STPG2: variants seen among roughly 807,000 people sequenced by gnomAD.
STPG2 encodes sperm tail PG-rich repeat containing 2.
Under a neutral mutation model 54.2 loss-of-function variants are expected in STPG2, and 56 were observed. That is an observed-to-expected ratio of 1.03 (90% confidence interval 0.83 to 1.29). The LOEUF (loss-of-function observed/expected upper bound fraction) is 1.29, where lower values mean the gene tolerates loss of function less well. Among genes scored for constraint, STPG2 ranks in the 50% most tolerant of loss-of-function variants. STPG2 has a pLI of 0.00. For missense variants in STPG2, 596 were observed against 544.9 expected, an observed-to-expected ratio of 1.09 and a Z score of -0.93; for synonymous variants, 200 against 181.8, an observed-to-expected ratio of 1.10 and a Z score of -0.81.
At chr4:97,725,581 A>C (rs1724597123) in intron 9 of STPG2, among the ~76,000 whole-genome samples, 2 of 152,068 alleles carry the variant, frequency 1.3e-5, no homozygotes. Context: ...AATTATAAGA[A>C]AAATAGCTTA....
intron 10 of STPG2, among the ~76,000 whole-genome samples, chr4:97,687,765 T>C (rs1031350325): frequency 6.6e-6 from 1 of 152,100 alleles, no homozygotes; most frequent in Non-Finnish European, 1.5e-5. Context: ...AAAAGGGAAC[T>C]TTAGAATATA....
At chr4:97,622,330 T>A (rs940794648) in intron 10 of STPG2, among the ~76,000 whole-genome samples, 3 of 152,050 alleles carry the variant, frequency 2.0e-5, no homozygotes, top group African/African-American at 7.2e-5. Context: ...AGAGAGGAAG[T>A]CAAACCACCC....
intron 10 of STPG2, among the ~76,000 whole-genome samples, chr4:97,709,505 T>TGA (rs33920158): frequency 8.8e-4 from 23 of 26,254 alleles, no homozygotes; most frequent in African/African-American, 5.3e-3. Flanking sequence ...TAAAATGAAT[T>TGA]GTTATTGAAC....
chr4:97,682,456 A>G (rs1186057079), intron 10 of STPG2, among the ~76,000 whole-genome samples: 1 of 151,820 alleles, frequency 6.6e-6, no homozygotes, highest in East Asian at 1.9e-4. Flanking sequence ...ATATTACTAA[A>G]CTAATTCTCC....
At chr4:98,042,620 G>A (rs1055166920) in intron 5 of STPG2, among the ~76,000 whole-genome samples, 11 of 151,976 alleles carry the variant, frequency 7.2e-5, no homozygotes, top group Middle Eastern at 3.4e-3. Context: ...AGTTTCAAGA[G>A]CACCTATTGT....
intron 9 of STPG2, among the ~76,000 whole-genome samples, chr4:97,818,870 T>C (rs919363807): frequency 8.0e-5 from 12 of 150,482 alleles, no homozygotes; most frequent in Admixed American, 6.7e-4. Context: ...TAATATATGC[T>C]TCTTACCAAA....
chr4:97,787,798 T>G (rs1475049639), intron 9 of STPG2, among the ~76,000 whole-genome samples: 2 of 152,018 alleles, frequency 1.3e-5, no homozygotes, highest in African/African-American at 4.8e-5. Flanking sequence ...TCAGATTTTC[T>G]AATTTTTTTG....
chr4:97,927,833 A>G (rs1238859232), intron 8 of STPG2, among the ~76,000 whole-genome samples: 1 of 152,110 alleles, frequency 6.6e-6, no homozygotes, highest in African/African-American at 2.4e-5. Flanking sequence ...ATGCATTTGG[A>G]ATGGTGCCTG....
chr4:98,115,816 A>C (rs1379032079), intron 3 of STPG2, among the ~76,000 whole-genome samples: 1 of 152,014 alleles, frequency 6.6e-6, no homozygotes, highest in Non-Finnish European at 1.5e-5. Flanking sequence ...AGAAGAAAAT[A>C]AAGCCTTCAG....
chr4:97,735,573 TTA>T (rs1158982191), intron 9 of STPG2, among the ~76,000 whole-genome samples: 2 of 148,688 alleles, frequency 1.3e-5, no homozygotes, highest in African/African-American at 2.4e-5. Context: ...ATATTTACAT[TTA>T]TATATATGTA....
At chr4:97,599,589 C>T (rs1247462288) in intron 10 of STPG2, among the ~76,000 whole-genome samples, 3 of 151,922 alleles carry the variant, frequency 2.0e-5, no homozygotes, top group East Asian at 1.9e-4. Context: ...TTTGGGAGGC[C>T]GAGGCGGGCA....
chr4:97,914,338 T>G (rs1035617670), intron 8 of STPG2, among the ~76,000 whole-genome samples: 2 of 152,168 alleles, frequency 1.3e-5, no homozygotes, highest in Admixed American at 1.3e-4. Context: ...AGAATCAGCA[T>G]ACTGAACTAA....
At chr4:97,543,930 C>G (rs1316939483) in intron 4 of STPG2, among the ~76,000 whole-genome samples, 2 of 152,034 alleles carry the variant, frequency 1.3e-5, no homozygotes, top group African/African-American at 2.4e-5. Context: ...CACATGTAAT[C>G]TACTTACCAC....
At chr4:97,853,265 C>A (rs1729227509) in intron 8 of STPG2, among the ~76,000 whole-genome samples, 1 of 151,910 alleles carries the variant, frequency 6.6e-6, no homozygotes, top group African/African-American at 2.4e-5. Context: ...CGCGCCCCGC[C>A]AAATAAATAT....
At position 97,816,614 on chromosome 4, in the gene STPG2, C is replaced by T. The variant is rs545300237; in HGVS notation, c.1204+24159G>A. ...TTGGTAGACTGAGTAAAGCAGATTGCCCTCCTCACCACGGATGAGCATCAT... is the reference window on the plus strand; with the variant it reads ...TTGGTAGACTGAGTAAAGCAGATTGTCCTCCTCACCACGGATGAGCATCAT... On this transcript the variant is annotated intron_variant, in intron 9 of 10. Coordinates refer to ENST00000295268, the MANE Select transcript of STPG2 (RefSeq NM_174952.3). Among the ~76,000 whole-genome samples, 3 of 152,194 alleles carry T rather than the reference C, an allele frequency of 2.0e-5. No individual in the cohort carries two copies. The South Asian group carries it at 6.2e-4, about 32-fold the overall frequency.
intron 9 of STPG2, among the ~76,000 whole-genome samples, chr4:97,713,866 A>G (rs1724208136): frequency 6.6e-6 from 1 of 152,166 alleles, no homozygotes; most frequent in South Asian, 2.1e-4. Context: ...CATATTTTAA[A>G]CAATACTATT....
intron 4 of STPG2, among the ~76,000 whole-genome samples, chr4:97,543,341 C>T (rs191018042): frequency 8.5e-4 from 129 of 151,738 alleles, no homozygotes; most frequent in Middle Eastern, 3.4e-3. Flanking sequence ...TAGAAATACG[C>T]TTATGAAAAG....
intron 4 of STPG2, among the ~76,000 whole-genome samples, chr4:97,475,772 T>C (rs1730055049): frequency 6.6e-6 from 1 of 152,092 alleles, no homozygotes; most frequent in East Asian, 1.9e-4. Flanking sequence ...CAGAGGCTTT[T>C]TCTTCAGATT....
intron 9 of STPG2, among the ~76,000 whole-genome samples, chr4:97,737,568 A>G (rs1004210196): frequency 9.9e-5 from 15 of 152,246 alleles, no homozygotes; most frequent in Non-Finnish European, 1.5e-5. Flanking sequence ...AAGAATGCAG[A>G]AGCCTCAGGA....
Sources: gnomAD v4.1 joint callset for allele counts (sites outside exome capture counted in the v4.1 genomes callset) on GRCh38, gnomAD v4.1.1 for gene constraint, MANE v1.5 for transcripts, NCBI Gene and HGNC (gene_info 2026-07-23, HGNC 2026-07-21) for gene names.